The following MYLK variants were observed in gnomAD, a reference collection of about 807,000 sequenced individuals.
MYLK encodes myosin light chain kinase, smooth muscle.
Under a neutral mutation model 203.4 loss-of-function variants are expected in MYLK, and 106 were observed. The observed-to-expected ratio is 0.52, with a 90% CI of 0.45 to 0.61. The LOEUF is 0.61. Among genes scored for constraint, MYLK ranks in the 20% least tolerant of loss-of-function variants. MYLK has a pLI of 0.00. For synonymous variants in MYLK, 867 were observed against 959.5 expected (o/e 0.90, Z 1.78); for missense variants, 2,072 against 2,442.3 (o/e 0.85, Z 3.20).
In MYLK at chr3:123,742,812, C is replaced by T. The variant is rs142101496; in HGVS notation, c.374-2811G>A. ...CTGTAAAAGGAATGAAGTACTAACA[C>T]GTGGTACAACATGGATGGACATTGA... On this transcript the variant is annotated intron_variant, in intron 5 of 33. Transcript: ENST00000360304. 5.9e-5 allele frequency among the ~76,000 whole-genome samples: 9 copies of T among 152,260 alleles called. No homozygotes were observed. In the East Asian group the frequency reaches 7.7e-4, roughly 13 times the overall value.
chr3:123,732,457 T>C (rs1046834008), intron 11 of MYLK, among the ~76,000 whole-genome samples: 5 of 152,254 alleles, frequency 3.3e-5, no homozygotes, highest in Admixed American at 1.3e-4. Flanking sequence ...TAAGGTTATA[T>C]ATTGTTTAAA....
chr3:123,629,901 G>A lies in MYLK; in HGVS notation c.4962-275C>T, dbSNP rs56402120. The A allele has an allele frequency of 6.3e-6, 3 of 477,808 alleles. No homozygotes were observed. 29.6% of individuals were successfully genotyped at this position (477,808 alleles called of 1,614,324 possible). ...TAGATTACGGGCTTCTGCAGGGTAC[G>A]CGGCAGGGCTGATAAGTCCCTCTGT... On this transcript the variant is annotated intron_variant, in intron 29 of 33. Transcript: ENST00000360304. This position sits in a 1 kb window ranked among gnomAD's most constrained non-coding sequence, Gnocchi z 4.4.
chr3:123,833,448 A>G (rs2066397132), intron 2 of MYLK, among the ~76,000 whole-genome samples: 1 of 152,022 alleles, frequency 6.6e-6, no homozygotes, highest in African/African-American at 2.4e-5. Flanking sequence ...CTTCATTCTC[A>G]GCAGCCCCCT....
intron 1 of MYLK, among the ~76,000 whole-genome samples, chr3:123,880,752 AAAG>A (rs1416194666): frequency 6.6e-6 from 1 of 152,168 alleles, no homozygotes; most frequent in East Asian, 1.9e-4. Flanking sequence ...AGGGCAGGGA[AAAG>A]AAGGTGGTGG....
chr3:123,744,270 A>G (rs931996776), intron 5 of MYLK, among the ~76,000 whole-genome samples: 1 of 152,232 alleles, frequency 6.6e-6, no homozygotes, highest in South Asian at 2.1e-4. Flanking sequence ...TTCAATTTAC[A>G]TAAGTGCTCA....
intron 1 of MYLK, among the ~76,000 whole-genome samples, chr3:123,880,037 A>G (rs928122449): frequency 6.6e-6 from 1 of 152,230 alleles, no homozygotes; most frequent in Non-Finnish European, 1.5e-5. Flanking sequence ...TTTACAAGTC[A>G]TTATATAGAC....
chr3:123,878,634 C>T (rs2033308774), intron 1 of MYLK, among the ~76,000 whole-genome samples: 1 of 152,206 alleles, frequency 6.6e-6, no homozygotes, highest in African/African-American at 2.4e-5. Flanking sequence ...TATGCCATCA[C>T]CATCCTCCAC....
chr3:123,662,822 G>A (rs936340947), intron 23 of MYLK, among the ~76,000 whole-genome samples: 5 of 152,152 alleles, frequency 3.3e-5, no homozygotes, highest in Middle Eastern at 3.2e-3. Flanking sequence ...GGTCTAGTGG[G>A]GGCATCTGGG....
At chr3:123,720,534 G>A (rs2062051510) in intron 13 of MYLK, among the ~76,000 whole-genome samples, 1 of 152,200 alleles carries the variant, frequency 6.6e-6, no homozygotes, top group Non-Finnish European at 1.5e-5. Flanking sequence ...GGTGAGTCCT[G>A]CTTCCTGGAC....
chr3:123,749,381 G>GT (rs1409146559), intron 5 of MYLK, among the ~76,000 whole-genome samples: 3 of 152,104 alleles, frequency 2.0e-5, no homozygotes, highest in African/African-American at 4.8e-5. Flanking sequence ...CAGGTACCAC[G>GT]TCTCTTCCTT....
chr3:123,845,345 T>A (rs1023765184), intron 2 of MYLK, among the ~76,000 whole-genome samples: 1 of 152,148 alleles, frequency 6.6e-6, no homozygotes, highest in African/African-American at 2.4e-5. Flanking sequence ...AGATGAGACA[T>A]GCAGGACACA....
intron 24 of MYLK, among the ~76,000 whole-genome samples, chr3:123,654,955 C>T (rs1018610211): frequency 5.3e-5 from 8 of 152,144 alleles, no homozygotes; most frequent in East Asian, 3.9e-4. Context: ...TGAGCTCAGG[C>T]GATCCACCCG....
chr3:123,756,905 C>T (rs1381088815), intron 4 of MYLK, among the ~76,000 whole-genome samples: 1 of 152,164 alleles, frequency 6.6e-6, no homozygotes, highest in Non-Finnish European at 1.5e-5. Flanking sequence ...GATATAGTCA[C>T]CATAACCCCT....
chr3:123,857,121 G>T (rs967770154), intron 2 of MYLK, among the ~76,000 whole-genome samples: 8 of 151,912 alleles, frequency 5.3e-5, no homozygotes, highest in African/African-American at 1.9e-4. Flanking sequence ...CAGTTAGAAT[G>T]GCGATCATTA....
intron 5 of MYLK, among the ~76,000 whole-genome samples, chr3:123,740,232 T>C (rs2062816151): frequency 1.0e-5 from 1 of 98,324 alleles, no homozygotes; most frequent in South Asian, 4.7e-4. Flanking sequence ...TTTAAACAGA[T>C]GAGAGAAATA....
intron 3 of MYLK, among the ~76,000 whole-genome samples, chr3:123,820,441 CA>C (rs968915200): frequency 1.3e-4 from 20 of 152,206 alleles, no homozygotes; most frequent in African/African-American, 4.6e-4. Context: ...CAGAAGCAGT[CA>C]TGGCTCCACG....
intron 9 of MYLK, chr3:123,734,767 C>T (rs1216351210): frequency 6.2e-6 from 1 of 160,742 alleles, no homozygotes; most frequent in Non-Finnish European, 1.4e-5. Context: ...GGGCCCATCT[C>T]TTGGTTCACA....
At chr3:123,734,556 G>A in intron 9 of MYLK, 1 of 243,868 alleles carries the variant, frequency 4.1e-6, no homozygotes, top group Non-Finnish European at 7.8e-6. Context: ...TTTCTATACA[G>A]CGACCATAGT....
intron 3 of MYLK, among the ~76,000 whole-genome samples, chr3:123,817,190 A>G (rs368054640): frequency 2.6e-4 from 39 of 152,304 alleles, no homozygotes; most frequent in African/African-American, 8.4e-4. Context: ...GATAGCAGAG[A>G]TATTATTTCA....
Sources: allele counts gnomAD v4.1 joint callset (sites outside exome capture counted in the v4.1 genomes callset), GRCh38; gene constraint gnomAD v4.1.1; non-coding constraint Gnocchi (gnomAD v3.1); transcripts MANE v1.5; gene names NCBI Gene and HGNC (gene_info 2026-07-23, HGNC 2026-07-21).